THSD4: variants seen among roughly 807,000 people sequenced by gnomAD.
THSD4 encodes the protein thrombospondin type 1 domain containing 4, also known as thrombospondin type-1 domain-containing protein 4.
THSD4 carries 69 observed loss-of-function variants against 119.0 expected under a neutral mutation model. The observed-to-expected ratio is 0.58, with a 90% CI of 0.48 to 0.71. The LOEUF (loss-of-function observed/expected upper bound fraction) is 0.71. THSD4 is among the 30% of genes least tolerant of loss of function. The probability of loss-of-function intolerance (pLI) is 0.00; values close to 1 mark genes in which losing one functional copy is unlikely to be tolerated. For missense variants in THSD4, 1,393 were observed against 1,391.1 expected (o/e 1.00, Z -0.02); for synonymous variants, 524 against 540.4 (o/e 0.97, Z 0.42).
At chr15:71,375,964 A>G (rs570877236) in intron 6 of THSD4, among the ~76,000 whole-genome samples, 64 of 152,322 alleles carry the variant, frequency 4.2e-4, no homozygotes, top group Non-Finnish European at 7.9e-4. Flanking sequence ...ATTATTTATC[A>G]CTGAGACCAA....
chr15:71,346,367 G>T (rs1218732986), intron 6 of THSD4, among the ~76,000 whole-genome samples: 1 of 152,154 alleles, frequency 6.6e-6, no homozygotes, highest in East Asian at 1.9e-4. Context: ...CCTTTATTCA[G>T]CCATTTATTG....
At chr15:71,771,348 T>G in intron 17 of THSD4, 140 bp downstream of exon 17, 1 of 1,134,806 alleles carries the variant, frequency 8.8e-7, no homozygotes, top group Non-Finnish European at 1.2e-6. Flanking sequence ...TTGAGGTGCT[T>G]TTGGTATTAT....
intron 3 of THSD4, among the ~76,000 whole-genome samples, chr15:71,173,565 CACATAT>C (rs1567145841): frequency 1.1e-5 from 1 of 92,590 alleles, no homozygotes. Flanking sequence ...CACACACACA[CACATAT>C]ATATATATAT....
At chr15:71,308,419 A>G (rs926114616) in intron 6 of THSD4, among the ~76,000 whole-genome samples, 1 of 152,228 alleles carries the variant, frequency 6.6e-6, no homozygotes, top group African/African-American at 2.4e-5. Flanking sequence ...TTATTGAAAT[A>G]TGGAAGACAA....
intron 8 of THSD4, among the ~76,000 whole-genome samples, chr15:71,695,501 C>T (rs12916386): frequency 3.5e-5 from 4 of 115,324 alleles, no homozygotes; most frequent in African/African-American, 1.1e-4. Context: ...TGTGTGTGTG[C>T]ATGTGTGTGT....
intron 7 of THSD4, among the ~76,000 whole-genome samples, chr15:71,647,332 A>T (rs2062651): frequency 0.4 from 60,990 of 152,044 alleles, 12,973 homozygotes; most frequent in East Asian, 0.83. Flanking sequence ...TTCATCTGGC[A>T]GCCACCTGAA....
chr15:71,270,833 T>C (rs201247633), intron 6 of THSD4, among the ~76,000 whole-genome samples: 2,213 of 126,014 alleles, frequency 0.018, 55 homozygotes, highest in African/African-American at 0.053. Flanking sequence ...CCATCTCTCT[T>C]TTTTTTTTTT....
chr15:71,389,182 G>A (rs560059732), intron 6 of THSD4, among the ~76,000 whole-genome samples: 6 of 152,186 alleles, frequency 3.9e-5, no homozygotes, highest in Admixed American at 1.3e-4. Context: ...ATTTTTAAGT[G>A]TACAGTAGTG....
intron 8 of THSD4, among the ~76,000 whole-genome samples, chr15:71,708,920 G>T (rs775674773): frequency 6.6e-6 from 1 of 152,214 alleles, no homozygotes; most frequent in Non-Finnish European, 1.5e-5. Flanking sequence ...TGCACAGAGC[G>T]TGGGTGGCCC....
chr15:71,378,772 G>A (rs2046185232), intron 6 of THSD4, among the ~76,000 whole-genome samples: 1 of 152,076 alleles, frequency 6.6e-6, no homozygotes, highest in Non-Finnish European at 1.5e-5. Context: ...AGGTAATGTT[G>A]TTGTCATTAT....
At chr15:71,421,530 C>T (rs2046807241) in intron 7 of THSD4, among the ~76,000 whole-genome samples, 1 of 152,212 alleles carries the variant, frequency 6.6e-6, no homozygotes, top group African/African-American at 2.4e-5. Context: ...GAAATATCTG[C>T]TGCCAGATGT....
intron 7 of THSD4, among the ~76,000 whole-genome samples, chr15:71,413,339 T>C (rs1259949577): frequency 2.0e-5 from 3 of 152,246 alleles, no homozygotes; most frequent in African/African-American, 7.2e-5. Context: ...TCTTAAAATA[T>C]ACAATAAATT....
chr15:71,395,167 G>T (rs1344980283), intron 6 of THSD4, among the ~76,000 whole-genome samples: 3 of 152,224 alleles, frequency 2.0e-5, no homozygotes, highest in African/African-American at 7.2e-5. Context: ...TCTGAGGATG[G>T]TGAAGGACCG....
intron 5 of THSD4, among the ~76,000 whole-genome samples, chr15:71,256,159 G>C (rs1172214151): frequency 6.6e-6 from 1 of 152,190 alleles, no homozygotes; most frequent in East Asian, 1.9e-4. Context: ...CAGTAGTTTA[G>C]GTAGAAGAGG....
At chr15:71,685,964 A>G (rs1366697031) in intron 8 of THSD4, among the ~76,000 whole-genome samples, 5 of 152,260 alleles carry the variant, frequency 3.3e-5, no homozygotes, top group Admixed American at 6.5e-5. Context: ...ATTTTTTTAA[A>G]CTTTTTATTT....
intron 6 of THSD4, among the ~76,000 whole-genome samples, chr15:71,285,476 A>T (rs2044703705): frequency 6.6e-6 from 1 of 152,164 alleles, no homozygotes; most frequent in Admixed American, 6.5e-5. Context: ...AGTGTTTCTG[A>T]AACTAACTCC....
At chr15:71,370,006 T>A (rs1359933185) in intron 6 of THSD4, among the ~76,000 whole-genome samples, 3 of 152,190 alleles carry the variant, frequency 2.0e-5, no homozygotes, top group African/African-American at 7.2e-5. Flanking sequence ...TGGTTTAGTC[T>A]TGTGAGGGTG....
rs11335522 is a variant in THSD4, at chr15:71,540,438, CTT to C, written c.1153-120079_1153-120078del. Among the ~76,000 whole-genome samples, 185 of 126,208 alleles carry C rather than the reference CTT, an allele frequency of 1.5e-3. 1 individual carries two copies. The highest frequency in any genetic ancestry group is 2.0e-3 in the Non-Finnish European group (123 of 60,804). The allele number at this position is 126,208 out of a possible 152,430, so 82.8% of individuals were successfully genotyped here. ...GGCCTGAGCCACTGCACCTGGCCGC[CTT>C]TTTTTTTTTTTTAAACGAGTCTCTG... On this transcript the variant is annotated intron_variant, in intron 7 of 17. Coordinates refer to ENST00000261862, the MANE Select transcript of THSD4 (RefSeq NM_024817.3).
At chr15:71,739,952 A>G (rs2053204228) in intron 11 of THSD4, among the ~76,000 whole-genome samples, 1 of 151,764 alleles carries the variant, frequency 6.6e-6, no homozygotes, top group African/African-American at 2.4e-5. Context: ...TAAAGTTTTT[A>G]TCTTTTTCAT....
Sources: gnomAD v4.1 joint callset for allele counts (sites outside exome capture counted in the v4.1 genomes callset) on GRCh38, gnomAD v4.1.1 for gene constraint, MANE v1.5 for transcripts, NCBI Gene and HGNC (gene_info 2026-07-23, HGNC 2026-07-21) for gene names.